DENND5A: variants seen among roughly 807,000 people sequenced by gnomAD.
The protein encoded by DENND5A is DENN domain-containing protein 5A.
Under a neutral mutation model 140.3 loss-of-function variants are expected in DENND5A, and 64 were observed. The ratio of observed to expected loss-of-function variants is 0.46; its 90% confidence interval spans 0.37 to 0.56. DENND5A has a LOEUF of 0.56. DENND5A is among the 20% of genes least tolerant of loss of function. DENND5A has a pLI of 0.00. For missense variants in DENND5A, 1,292 were observed against 1,593.8 expected (o/e 0.81, Z 3.22); for synonymous variants, 605 against 607.7 (o/e 1.00, Z 0.07).
intron 1 of DENND5A, among the ~76,000 whole-genome samples, chr11:9,232,765 C>A (rs781549096): frequency 6.6e-6 from 1 of 152,148 alleles, no homozygotes; most frequent in Non-Finnish European, 1.5e-5. Flanking sequence ...AAGGCACATA[C>A]AGGAATGTTC....
chr11:9,145,469 C>G (rs530871733), intron 17 of DENND5A: 2 of 639,260 alleles, frequency 3.1e-6, no homozygotes, highest in Non-Finnish European at 5.5e-6. Context: ...AAGTGCCTTC[C>G]AAACATTGTT....
chr11:9,254,477 CTAACT>C (rs571590722), intron 1 of DENND5A, among the ~76,000 whole-genome samples: 26 of 152,278 alleles, frequency 1.7e-4, no homozygotes, highest in Non-Finnish European at 3.2e-4. Flanking sequence ...AACACATAAC[CTAACT>C]TAAGAACTCT....
At chr11:9,241,361 G>A (rs2136273305) in intron 1 of DENND5A, among the ~76,000 whole-genome samples, 1 of 152,146 alleles carries the variant, frequency 6.6e-6, no homozygotes, top group South Asian at 2.1e-4. Context: ...GTAAAGGGTG[G>A]GGTTAAAATG....
At chr11:9,189,118 C>T (rs570917567) in intron 5 of DENND5A, among the ~76,000 whole-genome samples, 1 of 152,320 alleles carries the variant, frequency 6.6e-6, no homozygotes, top group African/African-American at 2.4e-5. Flanking sequence ...ATCCCAGCTG[C>T]TCCAGCTGTG....
chr11:9,162,727 G>A (rs1260571556), intron 11 of DENND5A, among the ~76,000 whole-genome samples: 1 of 151,880 alleles, frequency 6.6e-6, no homozygotes, highest in Non-Finnish European at 1.5e-5. Flanking sequence ...TTAAGACAGG[G>A]TCTCTCTCTG....
intron 1 of DENND5A, among the ~76,000 whole-genome samples, chr11:9,210,829 T>C (rs1311344234): frequency 6.6e-6 from 1 of 152,198 alleles, no homozygotes; most frequent in African/African-American, 2.4e-5. Context: ...TTTAAAGACA[T>C]TTTTATATCT....
chr11:9,193,337 A>G (rs1590257548), intron 5 of DENND5A, among the ~76,000 whole-genome samples, 157 bp downstream of exon 5: 1 of 152,262 alleles, frequency 6.6e-6, no homozygotes, highest in Admixed American at 6.5e-5. Context: ...ATTGAACTAA[A>G]TATTCATTGT....
intron 18 of DENND5A, 109 bp from the exon 19 acceptor site, chr11:9,144,387 A>G (rs1847351718): frequency 1.9e-6 from 2 of 1,044,130 alleles, no homozygotes; most frequent in Admixed American, 2.3e-5. Context: ...ACCAGGATAG[A>G]GACTCCTTCA....
At chr11:9,246,861 A>G (rs1196034282) in intron 1 of DENND5A, among the ~76,000 whole-genome samples, 1 of 152,128 alleles carries the variant, frequency 6.6e-6, no homozygotes, top group Admixed American at 6.6e-5. Context: ...GCTTAAATCA[A>G]TGTGTAACCT....
chr11:9,247,987 G>A (rs1851551668), intron 1 of DENND5A, among the ~76,000 whole-genome samples: 1 of 152,018 alleles, frequency 6.6e-6, no homozygotes, highest in South Asian at 2.1e-4. Flanking sequence ...TTATCTTTGG[G>A]TTGTTTTGTT....
intron 1 of DENND5A, among the ~76,000 whole-genome samples, chr11:9,211,403 C>G (rs1412510305): frequency 6.6e-6 from 1 of 151,970 alleles, no homozygotes; most frequent in Non-Finnish European, 1.5e-5. Context: ...TACAGGGAAA[C>G]AGTTAACTTA....
intron 1 of DENND5A, among the ~76,000 whole-genome samples, chr11:9,263,088 C>T (rs1420986695): frequency 6.6e-6 from 1 of 152,012 alleles, no homozygotes. Context: ...AAAACTACCC[C>T]GACAAAAAGC....
chr11:9,153,472 T>C (rs936559077), intron 12 of DENND5A, among the ~76,000 whole-genome samples: 1 of 152,080 alleles, frequency 6.6e-6, no homozygotes, highest in Admixed American at 6.5e-5. Flanking sequence ...GCTTCCATCT[T>C]AGCTCCTGAA....
intron 1 of DENND5A, among the ~76,000 whole-genome samples, chr11:9,207,908 T>A (rs1849746223): frequency 6.6e-6 from 1 of 150,966 alleles, no homozygotes. Flanking sequence ...TGAAAAACAT[T>A]ATAATACGGT....
Position 9,206,825 on chromosome 11 carries a change from T to G in DENND5A, c.182-43A>C, listed in dbSNP as rs770810211. 33 of 1,415,836 alleles carry G rather than the reference T, an allele frequency of 2.3e-5. No homozygotes were observed. In the Admixed American group the frequency reaches 4.7e-4, roughly 20 times the overall value. 87.7% of individuals were successfully genotyped at this position (1,415,836 alleles called of 1,614,324 possible). On this transcript the variant is annotated intron_variant, in intron 2 of 22. Transcript: ENST00000328194. ...AAGTAAATCATTTCTACAAAATCCC[T>G]TTAAGTCACAGGGTTATAAATGTCT... is the stretch of plus-strand genomic sequence containing the variant.
chr11:9,146,905 G>T (rs769697752), intron 16 of DENND5A, 125 bp downstream of exon 16: 40 of 1,159,502 alleles, frequency 3.4e-5, no homozygotes, highest in Non-Finnish European at 4.8e-5. Context: ...CCCCACAGAG[G>T]CAAAAGACAA....
At chr11:9,161,281 T>TAGCTTGCAGCA (rs1847975719) in intron 11 of DENND5A, among the ~76,000 whole-genome samples, 1 of 151,958 alleles carries the variant, frequency 6.6e-6, no homozygotes, top group Non-Finnish European at 1.5e-5. Context: ...CAAGGAAGCG[T>TAGCTTGCAGCA]AGCTTGCAGC....
chr11:9,190,601 C>T (rs1367208951), intron 5 of DENND5A, among the ~76,000 whole-genome samples: 2 of 152,172 alleles, frequency 1.3e-5, no homozygotes, highest in Non-Finnish European at 2.9e-5. Context: ...GTCCATTAAA[C>T]CTCTTTCTTT....
rs1237573189 is a variant in DENND5A, at chr11:9,193,609, T to C, written c.1022A>G (p.Tyr341Cys). The C allele has an allele frequency of 1.7e-5, 28 of 1,613,906 alleles. No individual in the cohort carries two copies. The highest frequency in any genetic ancestry group is 2.0e-5 in the Non-Finnish European group (24 of 1,179,986). Residue 341 changes from tyrosine (Y) to cysteine (C), a missense_variant, in exon 5 of 23, where the codon TAT becomes TGT. By Grantham distance (194) the Tyr-to-Cys change is radical (BLOSUM62 -2). This residue lies in a region of DENND5A where 566 missense variants were observed against 650.4 expected (regional missense o/e 0.87). Coordinates refer to ENST00000328194, the MANE Select transcript of DENND5A (RefSeq NM_015213.4). Reference protein sequence around the residue: ...LMFPFQWQHVYVPILPASLLH... With the variant: ...LMFPFQWQHVCVPILPASLLH... ...GAGAGAAGCTGGGAGAATAGGGACA[T>C]AGACATGCTGCCACTGGAAAGGAAA...
Sources: gnomAD v4.1 joint callset for allele counts (sites outside exome capture counted in the v4.1 genomes callset) on GRCh38, gnomAD v4.1.1 for gene constraint, gnomAD v4.1.1 regional missense constraint, MANE v1.5 for transcripts, NCBI Gene and HGNC (gene_info 2026-07-23, HGNC 2026-07-21) for gene names.